The following PIK3C2G variants were observed in gnomAD, a reference collection of about 807,000 sequenced individuals.
PIK3C2G encodes the protein phosphatidylinositol 3-kinase C2 domain-containing subunit gamma.
Under a neutral mutation model 181.1 loss-of-function variants are expected in PIK3C2G, and 168 were observed. The observed-to-expected ratio is 0.93, with a 90% CI of 0.82 to 1.05. PIK3C2G has a LOEUF of 1.05. Among genes scored for constraint, PIK3C2G ranks in the 50% least tolerant of loss-of-function variants. PIK3C2G has a pLI of 0.00. For missense variants in PIK3C2G, 1,869 were observed against 1,732.8 expected (o/e 1.08, Z -1.40); for synonymous variants, 573 against 592.2 (o/e 0.97, Z 0.47).
rs561047840 is a variant in PIK3C2G at position 18,526,982 on chromosome 12, G to C, written c.3324-11174G>C. Among the ~76,000 whole-genome samples the C allele has an allele frequency of 5.3e-5, 8 of 152,284 alleles. No individual in the cohort carries two copies. The South Asian group carries it at 1.7e-3, about 32-fold the overall frequency. ...GACAAATAAATTTTCTCCAAAGAGA[G>C]ACTTTGTGGGTTTTCAGATGAAAAG... On this transcript the variant is annotated intron_variant, in intron 24 of 32. Coordinates refer to ENST00000538779, the MANE Select transcript of PIK3C2G (RefSeq NM_001288772.2).
intron 28 of PIK3C2G, 88 bp from the exon 29 acceptor site, chr12:18,566,861 T>A: frequency 1.4e-6 from 1 of 735,034 alleles, no homozygotes; most frequent in Non-Finnish European, 2.4e-6. Context: ...CCCTTCCATC[T>A]GATACAGCTG....
At chr12:18,520,066 G>A (rs1942814790) in intron 24 of PIK3C2G, among the ~76,000 whole-genome samples, 1 of 151,318 alleles carries the variant, frequency 6.6e-6, no homozygotes, top group Non-Finnish European at 1.5e-5. Flanking sequence ...CTGTCTTGTA[G>A]GGTTTCTGCT....
chr12:18,595,301 CTGTT>C (rs1947300950), intron 30 of PIK3C2G, among the ~76,000 whole-genome samples: 1 of 152,018 alleles, frequency 6.6e-6, no homozygotes, highest in Non-Finnish European at 1.5e-5. Context: ...CTATTCCTGG[CTGTT>C]AGTTGAAAAT....
Position 18,614,385 on chromosome 12 carries a change from A to G in PIK3C2G, c.4182+4756A>G, listed in dbSNP as rs556626549. Among the ~76,000 whole-genome samples, 7 of 152,212 alleles carry G rather than the reference A, an allele frequency of 4.6e-5. No individual in the cohort carries two copies. The South Asian group carries it at 1.5e-3, about 32-fold the overall frequency. On this transcript the variant is annotated intron_variant, in intron 31 of 32. Coordinates refer to ENST00000538779, the MANE Select transcript of PIK3C2G (RefSeq NM_001288772.2). ...TGAAATAAACCATTAATTGTTCTAA[A>G]ACCTGTTATCAGTGACCTCTTTCTA...
At chr12:18,407,603 A>G (rs1193422946) in intron 16 of PIK3C2G, among the ~76,000 whole-genome samples, 1 of 152,162 alleles carries the variant, frequency 6.6e-6, no homozygotes, top group Non-Finnish European at 1.5e-5. Flanking sequence ...CCATTACCAA[A>G]TTATGAGTGT....
At chr12:18,328,320 A>G (rs1188363932) in intron 8 of PIK3C2G, among the ~76,000 whole-genome samples, 1 of 151,970 alleles carries the variant, frequency 6.6e-6, no homozygotes, top group Non-Finnish European at 1.5e-5. Context: ...TTCAGTGAGG[A>G]GGGCAAAATA....
intron 31 of PIK3C2G, among the ~76,000 whole-genome samples, chr12:18,631,882 A>G (rs1221887345): frequency 6.6e-6 from 1 of 152,196 alleles, no homozygotes; most frequent in Non-Finnish European, 1.5e-5. Context: ...GAAGACATCC[A>G]GATGGAAATA....
intron 26 of PIK3C2G, among the ~76,000 whole-genome samples, chr12:18,552,473 A>G (rs965064863): frequency 2.6e-5 from 4 of 152,068 alleles, no homozygotes; most frequent in African/African-American, 9.7e-5. Flanking sequence ...CCTTTGTCTT[A>G]GCTTAACAAT....
rs1048215530 is a variant in PIK3C2G at position 18,590,280 on chromosome 12, A to C, written c.4012-4214A>C. On this transcript the variant is annotated intron_variant, in intron 29 of 32. Coordinates refer to ENST00000538779, the MANE Select transcript of PIK3C2G (RefSeq NM_001288772.2). ...GTATCCTCCAGTCCTTGACACAGCC[A>C]AAAGGATGGCCACATACTTTCCGAA... Among the ~76,000 whole-genome samples the C allele has an allele frequency of 2.0e-5, 3 of 152,088 alleles. No homozygotes were observed. In the East Asian group the frequency reaches 5.8e-4, roughly 29 times the overall value.
chr12:18,337,650 T>G (rs11610841), intron 8 of PIK3C2G, among the ~76,000 whole-genome samples: 9,214 of 152,102 alleles, frequency 0.061, 316 homozygotes, highest in Middle Eastern at 0.099. Flanking sequence ...TGCTGCACAA[T>G]TTTAAACAAC....
chr12:18,323,756 T>C (rs906210250), intron 7 of PIK3C2G, among the ~76,000 whole-genome samples: 2 of 152,212 alleles, frequency 1.3e-5, no homozygotes, highest in Non-Finnish European at 2.9e-5. Context: ...GCAAGGGCTT[T>C]GATTTCAGCC....
chr12:18,668,838 C>T, the PIK3C2G span, among the ~76,000 whole-genome samples: 24 of 152,210 alleles, frequency 1.6e-4, no homozygotes, highest in African/African-American at 4.6e-4. Context: ...TCAGAATACA[C>T]GAGTGCAGAA....
intron 31 of PIK3C2G, among the ~76,000 whole-genome samples, chr12:18,623,924 A>C (rs1281670899): frequency 6.6e-6 from 1 of 151,782 alleles, no homozygotes; most frequent in Non-Finnish European, 1.5e-5. Context: ...CAGTTCTAAC[A>C]GTTTTTTGGT....
chr12:18,245,848 C>A (rs1410136532), upstream of PIK3C2G, among the ~76,000 whole-genome samples: 1 of 151,988 alleles, frequency 6.6e-6, no homozygotes, highest in Non-Finnish European at 1.5e-5. Flanking sequence ...AAATTCGCAA[C>A]TTGAGTTTCT....
intron 7 of PIK3C2G, among the ~76,000 whole-genome samples, chr12:18,323,972 G>A (rs538142350): frequency 1.3e-5 from 2 of 152,074 alleles, no homozygotes; most frequent in African/African-American, 4.8e-5. Flanking sequence ...TGTAATCCCA[G>A]CACTTTGGGA....
intron 18 of PIK3C2G, among the ~76,000 whole-genome samples, chr12:18,428,826 G>C (rs1012823302): frequency 6.6e-6 from 1 of 152,122 alleles, no homozygotes; most frequent in African/African-American, 2.4e-5. Flanking sequence ...CATCCTAAAA[G>C]GTGGCTATAA....
chr12:18,699,796 C>T, the PIK3C2G span: 13 of 1,612,878 alleles, frequency 8.1e-6, no homozygotes, highest in Middle Eastern at 1.7e-4. Context: ...AAATTTACCT[C>T]GCAATTTTGA....
At chr12:18,533,738 T>C (rs1194202011) in intron 24 of PIK3C2G, among the ~76,000 whole-genome samples, 1 of 152,044 alleles carries the variant, frequency 6.6e-6, no homozygotes, top group Non-Finnish European at 1.5e-5. Context: ...AGTGTATATC[T>C]CCCTGATTAG....
chr12:18,646,015 G>C (rs556221896), intron 32 of PIK3C2G, among the ~76,000 whole-genome samples: 105 of 152,194 alleles, frequency 6.9e-4, no homozygotes, highest in African/African-American at 2.5e-3. Flanking sequence ...TACCCACTTA[G>C]AGAAAAGGAA....
Sources: allele counts gnomAD v4.1 joint callset (sites outside exome capture counted in the v4.1 genomes callset), GRCh38; gene constraint gnomAD v4.1.1; transcripts MANE v1.5; gene names NCBI Gene and HGNC (gene_info 2026-07-23, HGNC 2026-07-21).